Variants in CDK6 observed in about 807,000 individuals in gnomAD.
CDK6 encodes cyclin-dependent kinase 6.
A neutral mutation model predicts 37.1 loss-of-function variants in CDK6; 6 were observed. That is an observed-to-expected ratio of 0.16 (90% CI 0.09 to 0.32). The LOEUF (loss-of-function observed/expected upper bound fraction) is 0.32. CDK6 is among the 10% of genes least tolerant of loss of function. The pLI is 1.00. For synonymous variants in CDK6, 160 were observed against 161.3 expected (o/e 0.99, Z 0.06); for missense variants, 224 against 418.9 (o/e 0.53, Z 4.06).
intron 4 of CDK6, among the ~76,000 whole-genome samples, chr7:92,674,902 G>T (rs1797170131): frequency 6.6e-6 from 1 of 152,178 alleles, no homozygotes; most frequent in South Asian, 2.1e-4. Flanking sequence ...TGCGATCTTG[G>T]CTCACTGCAA....
chr7:92,757,628 T>C (rs1799347646), intron 3 of CDK6, among the ~76,000 whole-genome samples: 1 of 152,204 alleles, frequency 6.6e-6, no homozygotes, highest in Non-Finnish European at 1.5e-5. Context: ...CATGCATGTG[T>C]CTTTATGGTA....
intron 5 of CDK6, among the ~76,000 whole-genome samples, chr7:92,646,939 T>C (rs554779089): frequency 1.3e-5 from 2 of 152,242 alleles, no homozygotes; most frequent in South Asian, 4.1e-4. Flanking sequence ...TCTGGGAATA[T>C]AAAATAAAAA....
At chr7:92,801,691 G>A (rs879318188) in intron 2 of CDK6, among the ~76,000 whole-genome samples, 10 of 150,422 alleles carry the variant, frequency 6.6e-5, no homozygotes, top group Non-Finnish European at 1.2e-4. Flanking sequence ...GTGTGATATC[G>A]GTTCACTGTC....
chr7:92,700,583 G>A (rs1292509281), intron 4 of CDK6, among the ~76,000 whole-genome samples: 2 of 152,216 alleles, frequency 1.3e-5, no homozygotes, highest in African/African-American at 4.8e-5. Context: ...TGCTACTTAG[G>A]ATGATATTCA....
intron 5 of CDK6, among the ~76,000 whole-genome samples, chr7:92,650,631 T>C (rs974819860): frequency 5.3e-5 from 8 of 152,140 alleles, no homozygotes; most frequent in African/African-American, 1.9e-4. Context: ...CAGAGCTGTG[T>C]TCCATTCTGG....
At chr7:92,653,630 T>G (rs1459119428) in intron 5 of CDK6, among the ~76,000 whole-genome samples, 1 of 152,230 alleles carries the variant, frequency 6.6e-6, no homozygotes, top group East Asian at 1.9e-4. Flanking sequence ...CCTGAGCATC[T>G]CAAGTACTAA....
Position 92,605,808 on chromosome 7 carries a change from A to G in CDK6, c.*9332T>C. On this transcript the variant is annotated 3_prime_UTR_variant, in exon 8 of 8. Coordinates refer to ENST00000424848, the MANE Select transcript of CDK6 (RefSeq NM_001145306.2). ...GGCAAAAACGTTAGAATAGGTAGGA[A>G]GGTTCTTGCTTTCAGAGAGCTGTGC... is the stretch of plus-strand genomic sequence containing the variant. 1 of 233,378 alleles carries G rather than the reference A, an allele frequency of 4.3e-6. No homozygotes were observed. Among genetic ancestry groups the G allele is most frequent in the Non-Finnish European group, 8.5e-6 (1 of 118,104 alleles). 14.5% of individuals were successfully genotyped at this position (233,378 alleles called of 1,614,324 possible).
intron 2 of CDK6, among the ~76,000 whole-genome samples, chr7:92,818,102 C>A (rs994943898): frequency 6.6e-6 from 1 of 151,880 alleles, no homozygotes; most frequent in Non-Finnish European, 1.5e-5. Context: ...TGTTAACTAA[C>A]AAGCTGACTC....
intron 1 of CDK6, among the ~76,000 whole-genome samples, chr7:92,836,003 C>G (rs1801660872): frequency 6.6e-6 from 1 of 152,186 alleles, no homozygotes; most frequent in Admixed American, 6.5e-5. Flanking sequence ...ACACCCACAC[C>G]TCAGCGAGCT....
intron 2 of CDK6, among the ~76,000 whole-genome samples, chr7:92,785,010 G>A (rs1356308383): frequency 1.3e-5 from 2 of 152,136 alleles, no homozygotes; most frequent in African/African-American, 4.8e-5. Flanking sequence ...ACAACTGTAT[G>A]AGATGGTACT....
At chr7:92,756,861 C>A (rs925057224) in intron 3 of CDK6, among the ~76,000 whole-genome samples, 1 of 152,308 alleles carries the variant, frequency 6.6e-6, no homozygotes, top group South Asian at 2.1e-4. Context: ...CCCACCTCCA[C>A]TGGATAAGGG....
chr7:92,818,552 A>G (rs777606770), intron 2 of CDK6, among the ~76,000 whole-genome samples: 3 of 151,988 alleles, frequency 2.0e-5, no homozygotes, highest in Non-Finnish European at 4.4e-5. Context: ...TTTATTAGAT[A>G]GGATACAAAA....
In CDK6 at chr7:92,827,278, A is replaced by G. The variant is rs537352196; in HGVS notation, c.233+5813T>C. Reference sequence around the variant, plus strand: ...TTCTACTGAACTAAATCCTTTAGGAAGGCCAGAGAATAGGAATAATTTAAG... The same window carrying G: ...TTCTACTGAACTAAATCCTTTAGGAGGGCCAGAGAATAGGAATAATTTAAG... On this transcript the variant is annotated intron_variant, in intron 2 of 7. Transcript: ENST00000424848. Among the ~76,000 whole-genome samples the G allele has an allele frequency of 4.6e-4, 70 of 152,224 alleles. 1 individual carries two copies. Among genetic ancestry groups the G allele is most frequent in the Non-Finnish European group, 8.4e-4 (57 of 68,028 alleles).
chr7:92,713,451 A>C (rs1423117057), intron 4 of CDK6, among the ~76,000 whole-genome samples: 4 of 152,074 alleles, frequency 2.6e-5, no homozygotes, highest in African/African-American at 9.7e-5. Flanking sequence ...GGTTTTTTGA[A>C]CCCAAGATTT....
chr7:92,832,633 A>G (rs1361033084), intron 2 of CDK6, among the ~76,000 whole-genome samples: 1 of 152,188 alleles, frequency 6.6e-6, no homozygotes, highest in African/African-American at 2.4e-5. Context: ...GGCTCCACCC[A>G]TAAAGTTCCC....
intron 3 of CDK6, among the ~76,000 whole-genome samples, chr7:92,754,609 G>A (rs1799267807): frequency 6.6e-6 from 1 of 152,224 alleles, no homozygotes; most frequent in Non-Finnish European, 1.5e-5. Context: ...AGCACAGTAT[G>A]TGCTTATAAA....
At chr7:92,740,175 T>A (rs1798886096) in intron 3 of CDK6, among the ~76,000 whole-genome samples, 1 of 152,246 alleles carries the variant, frequency 6.6e-6, no homozygotes, top group African/African-American at 2.4e-5. Context: ...GCTTCCTAAC[T>A]ATCTCTGGAT....
At chr7:92,709,236 T>G (rs1798032662) in intron 4 of CDK6, among the ~76,000 whole-genome samples, 1 of 151,904 alleles carries the variant, frequency 6.6e-6, no homozygotes, top group Non-Finnish European at 1.5e-5. Context: ...AGTAGACTGC[T>G]TTTTTTTAGG....
intron 2 of CDK6, among the ~76,000 whole-genome samples, chr7:92,783,028 G>A (rs1346892872): frequency 6.6e-6 from 1 of 152,088 alleles, no homozygotes; most frequent in Non-Finnish European, 1.5e-5. Flanking sequence ...GGCAAAAGTA[G>A]CCGACAGCAG....
Sources: allele counts gnomAD v4.1 joint callset (sites outside exome capture counted in the v4.1 genomes callset), GRCh38; gene constraint gnomAD v4.1.1; transcripts MANE v1.5; gene names NCBI Gene and HGNC (gene_info 2026-07-23, HGNC 2026-07-21).